The following BAZ2B variants were observed in gnomAD, a reference collection of about 807,000 sequenced individuals.
BAZ2B encodes the protein bromodomain adjacent to zinc finger domain 2B, also known as bromodomain adjacent to zinc finger domain protein 2B.
Under a neutral mutation model 246.0 loss-of-function variants are expected in BAZ2B, and 91 were observed. That is an observed-to-expected ratio of 0.37 (90% CI 0.31 to 0.44). The LOEUF (loss-of-function observed/expected upper bound fraction) is 0.44. Ranked by LOEUF, BAZ2B falls within the 20% of genes least tolerant of loss-of-function variation. BAZ2B has a pLI of 1.00. For missense variants in BAZ2B, 2,332 were observed against 2,533.7 expected, an observed-to-expected ratio of 0.92 and a Z score of 1.71; for synonymous variants, 855 against 860.0, an observed-to-expected ratio of 0.99 and a Z score of 0.10.
Position 159,431,107 on chromosome 2 carries a change from A to ATCT in BAZ2B, c.1947_1949dup (p.Glu649dup), listed in dbSNP as rs781523653. 2 of 1,612,446 alleles carry ATCT rather than the reference A, an allele frequency of 1.2e-6. No homozygotes were observed. The highest frequency in any genetic ancestry group is 2.2e-5 in the South Asian group (2 of 91,024). ...ATTCATCTTGGTCTTTATCATCATC[A>ATCT]TCTTCTTCTTCTGATCCTTCTGTAT... On this transcript the variant is annotated inframe_insertion, in exon 10 of 37. Transcript: ENST00000392783.
intron 2 of BAZ2B, among the ~76,000 whole-genome samples, chr2:159,508,475 T>G (rs1260728686): frequency 6.6e-6 from 1 of 152,204 alleles, no homozygotes; most frequent in Non-Finnish European, 1.5e-5. Flanking sequence ...TTTAACCAAG[T>G]GGAAACTTAT....
chr2:159,541,259 C>CTTATTATTA (rs56310950), intron 2 of BAZ2B, among the ~76,000 whole-genome samples: 107 of 148,330 alleles, frequency 7.2e-4, no homozygotes, highest in African/African-American at 2.0e-3. Flanking sequence ...AACAAAAGCC[C>CTTATTATTA]TTATTATTAT....
chr2:159,331,067 G>A (rs770479277), intron 34 of BAZ2B, among the ~76,000 whole-genome samples: 16 of 152,288 alleles, frequency 1.1e-4, no homozygotes, highest in East Asian at 1.9e-4. Flanking sequence ...TGGAGAAGGA[G>A]AAATTGGTGA....
chr2:159,431,052 A>G lies in BAZ2B; in HGVS notation c.2005T>C (p.Ser669Pro). 1 of 1,613,994 alleles carries G rather than the reference A, an allele frequency of 6.2e-7. No individual in the cohort carries two copies. Among genetic ancestry groups the G allele is most frequent in the South Asian group, 1.1e-5 (1 of 91,074 alleles). Residue 669 changes from serine to proline, a missense_variant, in exon 10 of 37, where the codon TCA becomes CCA. Transcript: ENST00000392783. The part of the protein sequence containing the change: ...SDSDTEGEKT[S>P]MKLNKTTSSV... Reference sequence around the variant, plus strand: ...GAAGTTGTTTTATTCAGTTTCATTGAAGTTTTCTCTCCTTCAGTATCACTA... The same window carrying G: ...GAAGTTGTTTTATTCAGTTTCATTGGAGTTTTCTCTCCTTCAGTATCACTA...
chr2:159,667,805 C>T, the BAZ2B span, among the ~76,000 whole-genome samples: 3 of 151,918 alleles, frequency 2.0e-5, no homozygotes, highest in African/African-American at 7.2e-5. Context: ...AACTTGAAGT[C>T]TTGAAATCTG....
intron 12 of BAZ2B, 125 bp from the exon 13 acceptor site, chr2:159,428,167 T>C: frequency 1.8e-6 from 2 of 1,104,050 alleles, no homozygotes; most frequent in East Asian, 2.4e-5. Flanking sequence ...TTATAGGAGA[T>C]CAATTTAGGT....
intron 1 of BAZ2B, among the ~76,000 whole-genome samples, chr2:159,565,258 A>G (rs980577319): frequency 1.3e-5 from 2 of 152,184 alleles, no homozygotes; most frequent in Admixed American, 6.5e-5. Flanking sequence ...AAGAAGAGAA[A>G]GTGAGATGAG....
At chr2:159,479,786 G>T (rs1221796646) in intron 2 of BAZ2B, among the ~76,000 whole-genome samples, 1 of 152,138 alleles carries the variant, frequency 6.6e-6, no homozygotes, top group African/African-American at 2.4e-5. Context: ...TATATATGGG[G>T]AAGGTAATCT....
At position 159,606,922 on chromosome 2, in the gene BAZ2B, A is replaced by ATTTT. The variant is rs5835752; in HGVS notation, c.-46+9316_-46+9319dup. On this transcript the variant is annotated intron_variant, in intron 1 of 36. Transcript: ENST00000392783. The stretch of plus-strand genomic sequence containing the variant: ...CATACTCTTTTTTAGTGGGATTTCT[A>ATTTT]TTTTTTTTTTTTTTTGAGACGGAGT... Among the ~76,000 whole-genome samples, 331 of 139,034 alleles carry ATTTT rather than the reference A, an allele frequency of 2.4e-3. 9 individuals carry two copies. Among genetic ancestry groups the ATTTT allele is most frequent in the African/African-American group, 5.9e-3 (221 of 37,246 alleles). 91.2% of individuals were successfully genotyped at this position (139,034 alleles called of 152,430 possible).
At chr2:159,438,802 C>T in intron 7 of BAZ2B, 107 bp from the exon 8 acceptor site, 1 of 1,332,342 alleles carries the variant, frequency 7.5e-7, no homozygotes, top group Non-Finnish European at 1.0e-6. Context: ...GTTCTTAATG[C>T]CTTATGATAA....
At chr2:159,579,617 C>T (rs1295847810) in intron 1 of BAZ2B, among the ~76,000 whole-genome samples, 1 of 151,694 alleles carries the variant, frequency 6.6e-6, no homozygotes, top group African/African-American at 2.4e-5. Flanking sequence ...AGAGACACAA[C>T]AAAAAAAAGA....
intron 2 of BAZ2B, among the ~76,000 whole-genome samples, chr2:159,505,491 G>A (rs1189983321): frequency 6.6e-6 from 1 of 152,138 alleles, no homozygotes; most frequent in African/African-American, 2.4e-5. Flanking sequence ...GCTTTTATAA[G>A]CTTCACTATT....
chr2:159,649,975 C>G, the BAZ2B span, among the ~76,000 whole-genome samples: 1 of 152,078 alleles, frequency 6.6e-6, no homozygotes, highest in South Asian at 2.1e-4. Flanking sequence ...TTCAAATTCA[C>G]CAATCTTTTT....
chr2:159,395,813 G>A lies in BAZ2B; in HGVS notation c.3031C>T (p.His1011Tyr). 6.2e-7 allele frequency: 1 copy of A among 1,611,824 alleles called. No homozygotes were observed. The highest frequency in any genetic ancestry group is 1.3e-5 in the African/African-American group (1 of 74,952). Reference protein sequence around the residue: ...KHQERERRRQHMMLMKAMEAR... With the variant: ...KHQERERRRQYMMLMKAMEAR... ...TCCATAGCTTTCATAAGCATCATGT[G>A]TTGTCGCCTTCGCTCTCGTTCCTAT... The change falls in exon 20 of 37, where the codon CAC (histidine) becomes TAC (tyrosine). Residue 1011 changes from histidine (H) to tyrosine (Y), a missense_variant. By Grantham distance (83) the His-to-Tyr change is moderately conservative. This residue lies in a region of BAZ2B where 328 missense variants were observed against 410.4 expected (regional missense o/e 0.80). Transcript: ENST00000392783.
chr2:159,361,612 T>C (rs991729654), intron 27 of BAZ2B, among the ~76,000 whole-genome samples: 2 of 152,182 alleles, frequency 1.3e-5, no homozygotes, highest in African/African-American at 4.8e-5. Context: ...TGGGTATATA[T>C]CCAAAGGATT....
chr2:159,633,822 C>T, the BAZ2B span, among the ~76,000 whole-genome samples: 2 of 147,836 alleles, frequency 1.4e-5, no homozygotes, highest in African/African-American at 2.5e-5. Context: ...CTCACTGCAA[C>T]TCTGCTTCCC....
chr2:159,560,876 GATT>G (rs1218089703), intron 1 of BAZ2B, among the ~76,000 whole-genome samples: 5 of 152,000 alleles, frequency 3.3e-5, no homozygotes, highest in Non-Finnish European at 4.4e-5. Flanking sequence ...TAAATTTGAA[GATT>G]ATTATTCAGT....
At chr2:159,614,232 A>C (rs1044604503) in intron 1 of BAZ2B, among the ~76,000 whole-genome samples, 3 of 152,162 alleles carry the variant, frequency 2.0e-5, no homozygotes, top group Non-Finnish European at 4.4e-5. Flanking sequence ...TGAGGCGAAA[A>C]ACTATGTTAG....
At chr2:159,687,207 A>G in the BAZ2B span, among the ~76,000 whole-genome samples, 3 of 152,178 alleles carry the variant, frequency 2.0e-5, no homozygotes, top group African/African-American at 7.2e-5. Context: ...CACAAACTTT[A>G]TAAAACTCTG....
Sources: allele counts gnomAD v4.1 joint callset (sites outside exome capture counted in the v4.1 genomes callset), GRCh38; gene constraint gnomAD v4.1.1; regional missense constraint gnomAD v4.1.1; transcripts MANE v1.5; gene names NCBI Gene and HGNC (gene_info 2026-07-23, HGNC 2026-07-21).